The following UGGT2 variants were observed in gnomAD, a reference collection of about 807,000 sequenced individuals.
UGGT2 encodes the protein UDP-glucose glycoprotein glucosyltransferase 2.
A neutral mutation model predicts 192.1 loss-of-function variants in UGGT2; 180 were observed. The observed-to-expected ratio is 0.94, with a 90% CI of 0.83 to 1.06. The LOEUF (loss-of-function observed/expected upper bound fraction) is 1.06, where lower values mean the gene tolerates loss of function less well. Ranked by LOEUF, UGGT2 falls within the 50% of genes least tolerant of loss-of-function variation. UGGT2 has a pLI of 0.00. For missense variants in UGGT2, 1,849 were observed against 1,795.7 expected (o/e 1.03, Z -0.54); for synonymous variants, 580 against 591.0 (o/e 0.98, Z 0.27).
At chr13:95,831,045 G>T (rs544522855) in intron 38 of UGGT2, among the ~76,000 whole-genome samples, 4 of 151,160 alleles carry the variant, frequency 2.6e-5, no homozygotes, top group African/African-American at 9.7e-5. Flanking sequence ...ACCAAACACC[G>T]CCTGTCCTCA....
At chr13:95,877,014 G>C (rs1003895382) in intron 29 of UGGT2, 4 of 261,242 alleles carry the variant, frequency 1.5e-5, no homozygotes, top group Non-Finnish European at 7.2e-6. Flanking sequence ...CTCCTGAATA[G>C]CTGAAGTTAC....
chr13:95,993,472 C>T (rs2051519455), intron 7 of UGGT2, among the ~76,000 whole-genome samples: 1 of 152,056 alleles, frequency 6.6e-6, no homozygotes, highest in Non-Finnish European at 1.5e-5. Context: ...GCAATTTAAT[C>T]CCATAAAAAG....
At chr13:95,812,963 A>T (rs1884652820) in intron 38 of UGGT2, among the ~76,000 whole-genome samples, 2 of 152,204 alleles carry the variant, frequency 1.3e-5, no homozygotes, top group African/African-American at 4.8e-5. Flanking sequence ...ATTGTATAGT[A>T]TGTGAATTAT....
At chr13:96,010,996 A>C (rs920905949) in intron 5 of UGGT2, among the ~76,000 whole-genome samples, 1 of 152,204 alleles carries the variant, frequency 6.6e-6, no homozygotes, top group African/African-American at 2.4e-5. Flanking sequence ...AAGTGGATAA[A>C]GGAAATTCAA....
At chr13:95,905,460 A>G (rs1438886126) in intron 20 of UGGT2, among the ~76,000 whole-genome samples, 1 of 151,778 alleles carries the variant, frequency 6.6e-6, no homozygotes, top group Non-Finnish European at 1.5e-5. Flanking sequence ...ATCCATCTTC[A>G]ATTGATTTTT....
chr13:96,030,672 G>A (rs1293070071), intron 2 of UGGT2, among the ~76,000 whole-genome samples: 3 of 152,124 alleles, frequency 2.0e-5, no homozygotes, highest in African/African-American at 4.8e-5. Context: ...ATCACCAATA[G>A]TAAGAAGATG....
intron 5 of UGGT2, among the ~76,000 whole-genome samples, chr13:96,002,423 A>C (rs562739872): frequency 1.8e-4 from 28 of 152,342 alleles, no homozygotes; most frequent in African/African-American, 6.7e-4. Context: ...TCTGTTTTAC[A>C]TCTCTTGCCA....
intron 38 of UGGT2, among the ~76,000 whole-genome samples, chr13:95,817,881 C>G (rs1450997222): frequency 6.6e-6 from 1 of 152,062 alleles, no homozygotes; most frequent in African/African-American, 2.4e-5. Context: ...AGAAAACCCA[C>G]TACTATAGGA....
At position 96,011,231 on chromosome 13, in the gene UGGT2, T is replaced by C. The variant is rs376701800; in HGVS notation, c.660+2076A>G. Among the ~76,000 whole-genome samples the C allele has an allele frequency of 4.6e-5, 7 of 152,164 alleles. No individual in the cohort carries two copies. In the South Asian group the frequency reaches 1.4e-3, roughly 32 times the overall value. On this transcript the variant is annotated intron_variant, in intron 5 of 38. Transcript: ENST00000376747. ...AAAATATAATCTATAAACAAAAAAA[T>C]GATGAACTGGACTTAATCAAAATTA...
intron 29 of UGGT2, 89 bp from the exon 30 acceptor site, chr13:95,867,512 C>G: frequency 9.3e-7 from 1 of 1,074,834 alleles, no homozygotes; most frequent in East Asian, 2.5e-5. Flanking sequence ...TTGCAATAAA[C>G]GTAAGTCCAA....
At chr13:95,918,502 T>G (rs2048747720) in intron 20 of UGGT2, among the ~76,000 whole-genome samples, 2 of 151,868 alleles carry the variant, frequency 1.3e-5, no homozygotes, top group African/African-American at 4.8e-5. Flanking sequence ...ACCCCAAAGC[T>G]AGCAGAAGAC....
chr13:95,900,278 A>G (rs888091835), intron 22 of UGGT2, among the ~76,000 whole-genome samples: 46 of 152,132 alleles, frequency 3.0e-4, no homozygotes, highest in African/African-American at 1.0e-3. Context: ...AGGAAAAACA[A>G]TAAGCTATTA....
intron 29 of UGGT2, among the ~76,000 whole-genome samples, chr13:95,873,425 T>A (rs1419141066): frequency 6.6e-6 from 1 of 152,234 alleles, no homozygotes; most frequent in Non-Finnish European, 1.5e-5. Flanking sequence ...GGTTGCTGCA[T>A]AGGCATTAGA....
At chr13:95,859,696 C>T (rs769468684) in intron 32 of UGGT2, 21 bp from the exon 33 acceptor site, 2 of 1,549,296 alleles carry the variant, frequency 1.3e-6, no homozygotes, top group Non-Finnish European at 1.8e-6. Flanking sequence ...GAATATTAAA[C>T]CCAATATACA....
chr13:95,924,734 T>C (rs2048966532), intron 20 of UGGT2, among the ~76,000 whole-genome samples: 1 of 152,240 alleles, frequency 6.6e-6, no homozygotes, highest in Admixed American at 6.5e-5. Context: ...TGCCACGTTG[T>C]GAGGGCACTT....
intron 17 of UGGT2, among the ~76,000 whole-genome samples, chr13:95,936,624 TG>T (rs1402000133): frequency 3.3e-5 from 5 of 152,202 alleles, no homozygotes; most frequent in Non-Finnish European, 5.9e-5. Flanking sequence ...GAAACCTCCT[TG>T]GCTCCAAGTT....
intron 25 of UGGT2, among the ~76,000 whole-genome samples, chr13:95,890,316 T>C (rs1354663043): frequency 2.6e-5 from 4 of 152,202 alleles, no homozygotes; most frequent in African/African-American, 9.6e-5. Flanking sequence ...ATGGAGTGGT[T>C]TAAACAATAG....
At chr13:95,970,390 ATAT>A in intron 11 of UGGT2, 128 bp from the exon 12 acceptor site, 1 of 759,422 alleles carries the variant, frequency 1.3e-6, no homozygotes, top group Non-Finnish European at 2.1e-6. Flanking sequence ...CAGGAAAAAT[ATAT>A]TAAACTCATT....
chr13:95,886,284 T>A (rs946921236), intron 26 of UGGT2, among the ~76,000 whole-genome samples: 1 of 152,212 alleles, frequency 6.6e-6, no homozygotes, highest in African/African-American at 2.4e-5. Flanking sequence ...GGGCTGGGAA[T>A]AAATGTGTAT....
Sources: gnomAD v4.1 joint callset for allele counts (sites outside exome capture counted in the v4.1 genomes callset) on GRCh38, gnomAD v4.1.1 for gene constraint, MANE v1.5 for transcripts, NCBI Gene and HGNC (gene_info 2026-07-23, HGNC 2026-07-21) for gene names.